TMEM135: variants seen among roughly 807,000 people sequenced by gnomAD.
TMEM135 encodes the protein peroxisomal membrane protein 52.
Under a neutral mutation model 60.3 loss-of-function variants are expected in TMEM135, and 30 were observed. That is an observed-to-expected ratio of 0.50 (90% CI 0.37 to 0.68). The LOEUF (loss-of-function observed/expected upper bound fraction) is 0.68. TMEM135 is among the 30% of genes least tolerant of loss of function. The pLI, the probability that TMEM135 is intolerant of heterozygous loss-of-function variation, is 0.00. For missense variants in TMEM135, 468 were observed against 548.8 expected, an observed-to-expected ratio of 0.85 and a Z score of 1.47; for synonymous variants, 190 against 186.7, an observed-to-expected ratio of 1.02 and a Z score of -0.14.
At chr11:87,118,890 AAG>A (rs1354457135) in intron 4 of TMEM135, among the ~76,000 whole-genome samples, 1 of 152,200 alleles carries the variant, frequency 6.6e-6, no homozygotes, top group African/African-American at 2.4e-5. Context: ...CATAGAATTG[AAG>A]AGAGTTAGGG....
intron 1 of TMEM135, among the ~76,000 whole-genome samples, chr11:87,040,662 CAAAA>C (rs199617777): frequency 8.7e-6 from 1 of 114,984 alleles, no homozygotes; most frequent in Admixed American, 9.5e-5. Flanking sequence ...AACTCCATCA[CAAAA>C]AAAAAAAAAA....
At chr11:87,286,615 C>T (rs77452692) in intron 6 of TMEM135, among the ~76,000 whole-genome samples, 4,700 of 151,918 alleles carry the variant, frequency 0.031, 277 homozygotes, top group African/African-American at 0.11. Context: ...GAGCACACCA[C>T]GGGGTGGGGG....
chr11:87,060,647 CTT>C (rs11459506), intron 1 of TMEM135, among the ~76,000 whole-genome samples: 6 of 143,530 alleles, frequency 4.2e-5, no homozygotes, highest in Non-Finnish European at 1.5e-5. Context: ...TTTTTCTTTC[CTT>C]TTTTTTTTTT....
chr11:87,267,768 C>G (rs946539586), intron 6 of TMEM135, among the ~76,000 whole-genome samples: 2 of 152,138 alleles, frequency 1.3e-5, no homozygotes, highest in African/African-American at 4.8e-5. Context: ...TCTCCACTCA[C>G]AGCAACCTCC....
At chr11:87,091,263 T>A in intron 3 of TMEM135, 99 bp from the exon 4 acceptor site, 1 of 1,113,660 alleles carries the variant, frequency 9.0e-7, no homozygotes, top group Non-Finnish European at 1.3e-6. Context: ...GTTTCTCAAT[T>A]TCTGAGAATA....
intron 6 of TMEM135, among the ~76,000 whole-genome samples, chr11:87,276,593 G>A (rs569679451): frequency 6.7e-6 from 1 of 150,302 alleles, no homozygotes; most frequent in South Asian, 2.1e-4. Flanking sequence ...CACTGGGAGA[G>A]ATTTCATTGA....
intron 4 of TMEM135, among the ~76,000 whole-genome samples, chr11:87,093,482 A>G (rs1308644752): frequency 6.6e-6 from 1 of 152,010 alleles, no homozygotes; most frequent in Non-Finnish European, 1.5e-5. Flanking sequence ...AAGTGCTGTG[A>G]TTATAGGCAA....
At chr11:87,198,378 G>C (rs915750850) in intron 5 of TMEM135, among the ~76,000 whole-genome samples, 7 of 152,112 alleles carry the variant, frequency 4.6e-5, no homozygotes, top group Non-Finnish European at 8.8e-5. Context: ...AAAACCCTTA[G>C]AGTATTCTAG....
chr11:87,122,389 A>G (rs1029718549), intron 4 of TMEM135, among the ~76,000 whole-genome samples: 2 of 148,744 alleles, frequency 1.3e-5, no homozygotes, highest in Non-Finnish European at 3.0e-5. Context: ...TGTCATCATA[A>G]AATCATAAAA....
intron 5 of TMEM135, among the ~76,000 whole-genome samples, chr11:87,222,532 G>C (rs552269870): frequency 3.3e-5 from 5 of 151,828 alleles, no homozygotes; most frequent in African/African-American, 1.2e-4. Context: ...GGCCGAGCGT[G>C]GTGGCCCACG....
chr11:87,120,209 C>T (rs1858013966), intron 4 of TMEM135, among the ~76,000 whole-genome samples: 1 of 148,146 alleles, frequency 6.8e-6, no homozygotes, highest in Non-Finnish European at 1.5e-5. Flanking sequence ...ATCTCCTGGG[C>T]TCAAGCCATC....
chr11:87,171,509 T>C (rs912927314), intron 5 of TMEM135, among the ~76,000 whole-genome samples: 2 of 152,092 alleles, frequency 1.3e-5, no homozygotes, highest in Non-Finnish European at 2.9e-5. Context: ...GATTCATAGG[T>C]AACCTCATGA....
intron 4 of TMEM135, among the ~76,000 whole-genome samples, chr11:87,136,126 T>C (rs1370324883): frequency 1.3e-5 from 2 of 152,010 alleles, no homozygotes; most frequent in Admixed American, 6.6e-5. Context: ...TTTTGATATG[T>C]TTCATAGTAT....
intron 6 of TMEM135, among the ~76,000 whole-genome samples, chr11:87,258,064 G>A (rs1438641894): frequency 6.6e-6 from 1 of 151,794 alleles, no homozygotes; most frequent in African/African-American, 2.4e-5. Context: ...ATAGTCTTTA[G>A]AAATATAATC....
intron 1 of TMEM135, among the ~76,000 whole-genome samples, chr11:87,060,794 C>G (rs895466387): frequency 3.3e-5 from 5 of 152,170 alleles, no homozygotes; most frequent in East Asian, 3.9e-4. Flanking sequence ...AGGTGCCCAC[C>G]ACCACGCCTG....
intron 4 of TMEM135, among the ~76,000 whole-genome samples, chr11:87,152,686 G>A (rs11234993): frequency 0.029 from 4,484 of 152,258 alleles, 152 homozygotes; most frequent in East Asian, 0.17. Flanking sequence ...CGCCCCACCC[G>A]CCTCGGCCTC....
At chr11:87,276,699 A>C (rs10792933) in intron 6 of TMEM135, among the ~76,000 whole-genome samples, 49,830 of 131,806 alleles carry the variant, frequency 0.38, 9,586 homozygotes, top group Middle Eastern at 0.44. Flanking sequence ...GATGGAGTCT[A>C]GCTTTGTCAC....
intron 6 of TMEM135, among the ~76,000 whole-genome samples, chr11:87,291,741 C>T (rs1304411102): frequency 6.6e-6 from 1 of 151,816 alleles, no homozygotes; most frequent in East Asian, 1.9e-4. Flanking sequence ...TGGGGTTTCG[C>T]CATGTTGGCC....
intron 6 of TMEM135, among the ~76,000 whole-genome samples, chr11:87,250,313 TTTC>T (rs1591139506): frequency 6.6e-6 from 1 of 152,102 alleles, no homozygotes; most frequent in East Asian, 1.9e-4. Context: ...TTGATATTAT[TTTC>T]TTCTGCTAAT....
Sources: allele counts gnomAD v4.1 joint callset (sites outside exome capture counted in the v4.1 genomes callset), GRCh38; gene constraint gnomAD v4.1.1; transcripts MANE v1.5; gene names NCBI Gene and HGNC (gene_info 2026-07-23, HGNC 2026-07-21).